TPPP: variants seen among roughly 807,000 people sequenced by gnomAD.
TPPP encodes tubulin polymerization-promoting protein.
Under a neutral mutation model 15.5 loss-of-function variants are expected in TPPP, and 6 were observed. The observed-to-expected ratio is 0.39, with a 90% confidence interval of 0.21 to 0.77. The LOEUF is 0.77. Among genes scored for constraint, TPPP ranks in the 30% least tolerant of loss-of-function variants. The pLI, the probability that TPPP is intolerant of heterozygous loss-of-function variation, is 0.42. For synonymous variants in TPPP, 146 were observed against 133.9 expected (o/e 1.09, Z -0.63); for missense variants, 269 against 307.2 (o/e 0.88, Z 0.93).
chr5:660,208 T>C lies in TPPP; in HGVS notation c.*4894A>G, dbSNP rs1312753339. The C allele has an allele frequency of 3.5e-5, 3 of 84,676 alleles. No homozygotes were observed. The highest frequency in any genetic ancestry group is 1.0e-4 in the African/African-American group (1 of 9,614). The allele number at this position is 84,676 out of a possible 1,614,324, so 5.2% of individuals were successfully genotyped here. A position where few individuals can be genotyped will look rare whatever the true frequency, so the allele number is the denominator to read the frequency against. On this transcript the variant is annotated 3_prime_UTR_variant, in exon 4 of 4. Coordinates refer to ENST00000360578, the MANE Select transcript of TPPP (RefSeq NM_007030.3). ...ACAGTGTAAAAATATATTGCACATA[T>C]ATATATATATATATATATATAAATT...
In TPPP at chr5:664,820, A is replaced by G. The variant is rs1454527677; in HGVS notation, c.*282T>C. ...CCTTTGACCTGCAAACCACGTGCCC[A>G]GTGTGGTGTGATCCGCGAGACACTT... On this transcript the variant is annotated 3_prime_UTR_variant, in exon 4 of 4. Coordinates refer to ENST00000360578, the MANE Select transcript of TPPP (RefSeq NM_007030.3). The G allele has an allele frequency of 9.5e-6, 4 of 421,464 alleles. No homozygotes were observed. The highest frequency in any genetic ancestry group is 2.0e-5 in the African/African-American group (1 of 49,770). The allele number at this position is 421,464 out of a possible 1,614,324, so 26.1% of individuals were successfully genotyped here. A position where few individuals can be genotyped will look rare whatever the true frequency, so the allele number is the denominator to read the frequency against.
chr5:673,705 C>T (rs115711921), intron 2 of TPPP, among the ~76,000 whole-genome samples: 2,181 of 152,272 alleles, frequency 0.014, 62 homozygotes, highest in African/African-American at 0.051. Context: ...CAAGGCTGGT[C>T]CCCGGCCCCA....
At chr5:682,767 G>A (rs1376660637) in intron 1 of TPPP, among the ~76,000 whole-genome samples, 2 of 152,152 alleles carry the variant, frequency 1.3e-5, no homozygotes, top group African/African-American at 4.8e-5. Context: ...GGGTGGCGCC[G>A]ACAGAGCCTA....
intron 1 of TPPP, among the ~76,000 whole-genome samples, chr5:682,723 G>C (rs1292030827): frequency 6.6e-6 from 1 of 152,172 alleles, no homozygotes; most frequent in African/African-American, 2.4e-5. Context: ...CAGCAGCCTC[G>C]GTGCTCCCTT....
At chr5:698,502 A>G in the TPPP span, among the ~76,000 whole-genome samples, 3 of 152,032 alleles carry the variant, frequency 2.0e-5, no homozygotes, top group Admixed American at 1.3e-4. Flanking sequence ...TTACAGTTCC[A>G]CACGGCTGGG....
At chr5:691,798 C>A (rs1179550079) in intron 1 of TPPP, among the ~76,000 whole-genome samples, 5 of 114,032 alleles carry the variant, frequency 4.4e-5, no homozygotes, top group Admixed American at 1.8e-4. Flanking sequence ...AGCCCCCAAC[C>A]CTCATCAAAA....
At chr5:676,073 T>G (rs1740421244) in intron 2 of TPPP, 1 of 152,204 alleles carries the variant, frequency 6.6e-6, no homozygotes, top group Non-Finnish European at 1.5e-5. Flanking sequence ...TGGCCCTGGT[T>G]GCCTCTGCCG....
rs141487731 is a variant in TPPP, at chr5:665,141, G to A, written c.621C>T (p.His207=). The change falls in exon 4 of 4, where the codon CAC becomes CAT. Residue 207 remains histidine (H), a synonymous_variant. Transcript: ENST00000360578. The stretch of plus-strand genomic sequence containing the variant: ...GCACCTTCTGGTCGTAGGTGCCTGC[G>A]TGCTTGTAGCCGGACACATAGCCTG... ...DESGYVSGYK[H]AGTYDQKVQG... is the part of the protein sequence containing the mutation. 1.7e-3 allele frequency: 2,742 copies of A among 1,612,946 alleles called. 70 individuals are homozygous for A. In the Admixed American group the frequency reaches 0.042, roughly 25 times the overall value.
chr5:681,618 G>A (rs1177058986), intron 1 of TPPP, among the ~76,000 whole-genome samples: 4 of 152,174 alleles, frequency 2.6e-5, no homozygotes, highest in Admixed American at 2.6e-4. Flanking sequence ...CAGACCCTAT[G>A]GGACCACAAG....
chr5:673,342 A>AC (rs760800706), intron 2 of TPPP, among the ~76,000 whole-genome samples: 10 of 151,560 alleles, frequency 6.6e-5, no homozygotes, highest in South Asian at 2.1e-4. Context: ...GATCACAGGG[A>AC]CCCCCCGAGG....
In TPPP at chr5:660,183, A is replaced by C. The variant is rs1739524445; in HGVS notation, c.*4919T>G. 6.7e-6 allele frequency: 1 copy of C among 149,976 alleles called. No homozygotes were observed. The highest frequency in any genetic ancestry group is 1.5e-5 in the Non-Finnish European group (1 of 67,800). 9.3% of individuals were successfully genotyped at this position (149,976 alleles called of 1,614,324 possible). ...CTCAGTACTCCCTAATGTTAATCAC[A>C]CAGTGTAAAAATATATTGCACATAT... On this transcript the variant is annotated 3_prime_UTR_variant, in exon 4 of 4. Transcript: ENST00000360578.
At chr5:698,294 G>A (rs1436846788), upstream of TPPP, among the ~76,000 whole-genome samples, 1 of 152,006 alleles carries the variant, frequency 6.6e-6, no homozygotes, top group Admixed American at 6.6e-5. Context: ...ATTCAACACA[G>A]TACTGAAAGT....
At position 659,895 on chromosome 5, in the gene TPPP, C is replaced by A. The variant is rs1339263961; in HGVS notation, c.*5207G>T. The A allele has an allele frequency of 6.6e-6, 1 of 152,342 alleles. No homozygotes were observed. The highest frequency in any genetic ancestry group is 1.5e-5 in the Non-Finnish European group (1 of 68,048). The allele number at this position is 152,342 out of a possible 1,614,324, so 9.4% of individuals were successfully genotyped here. A position where few individuals can be genotyped will look rare whatever the true frequency, so the allele number is the denominator to read the frequency against. Reference sequence around the variant, plus strand: ...TTAACACCTTTATTTGTCACTTTACCAACTTGACACACAATGTTAACGACA... The same window carrying A: ...TTAACACCTTTATTTGTCACTTTACAAACTTGACACACAATGTTAACGACA... On this transcript the variant is annotated 3_prime_UTR_variant, in exon 4 of 4. Coordinates refer to ENST00000360578, the MANE Select transcript of TPPP (RefSeq NM_007030.3).
intron 2 of TPPP, among the ~76,000 whole-genome samples, chr5:676,857 G>A (rs961673419): frequency 4.2e-5 from 6 of 142,670 alleles, no homozygotes; most frequent in African/African-American, 8.1e-5. Context: ...ACAGAAACGC[G>A]CACACACGAC....
chr5:698,754 C>G, the TPPP span, among the ~76,000 whole-genome samples: 6 of 151,900 alleles, frequency 3.9e-5, no homozygotes, highest in Non-Finnish European at 8.8e-5. Flanking sequence ...GATTTGGGTG[C>G]GGACACAGCC....
At chr5:700,140 C>A in the TPPP span, among the ~76,000 whole-genome samples, 4 of 152,110 alleles carry the variant, frequency 2.6e-5, no homozygotes, top group African/African-American at 9.6e-5. Flanking sequence ...ACCACCTGCA[C>A]TTTATGTTTA....
chr5:663,831 GTGTGGC>G lies in TPPP; in HGVS notation c.*1265_*1270del, dbSNP rs1307408156. 1 of 152,532 alleles carries G rather than the reference GTGTGGC, an allele frequency of 6.6e-6. No homozygotes were observed. Among genetic ancestry groups the G allele is most frequent in the African/African-American group, 2.4e-5 (1 of 41,594 alleles). 9.4% of individuals were successfully genotyped at this position (152,532 alleles called of 1,614,324 possible). ...AGAACCACGGCCCAGCAGGTCACAC[GTGTGGC>G]TGTGGCTGTGTGCGTGCCAAGGGAC... On this transcript the variant is annotated 3_prime_UTR_variant, in exon 4 of 4. Transcript: ENST00000360578.
At position 677,804 on chromosome 5, in the gene TPPP, A is replaced by G; in HGVS notation, c.257T>C (p.Ile86Thr). 1 of 1,602,634 alleles carries G rather than the reference A, an allele frequency of 6.2e-7. No homozygotes were observed. The highest frequency in any genetic ancestry group is 8.5e-7 in the Non-Finnish European group (1 of 1,172,692). The change falls in exon 2 of 4, where the codon ATC becomes ACC. Residue 86 changes from isoleucine (I) to threonine (T), a missense_variant. Transcript: ENST00000360578. Reference sequence around the variant, plus strand: ...AGTGACGGTCACGTTCCTGCCGTCGATCACCTGGCAGTCCTTGCACAGCTT... The same window carrying G: ...AGTGACGGTCACGTTCCTGCCGTCGGTCACCTGGCAGTCCTTGCACAGCTT... ...WSKLCKDCQVIDGRNVTVTDV... is the reference protein window; with the variant it reads ...WSKLCKDCQVTDGRNVTVTDV...
intron 1 of TPPP, chr5:692,973 C>CA (rs2126917775): frequency 1.4e-6 from 1 of 737,524 alleles, no homozygotes; most frequent in African/African-American, 1.8e-5. Context: ...GAAGAAAGGC[C>CA]AAAGCGCCAG....
Sources: allele counts gnomAD v4.1 joint callset (sites outside exome capture counted in the v4.1 genomes callset), GRCh38; gene constraint gnomAD v4.1.1; transcripts MANE v1.5; gene names NCBI Gene and HGNC (gene_info 2026-07-23, HGNC 2026-07-21).